Variants in ABCC9 observed in about 807,000 individuals in gnomAD.
ABCC9 encodes ATP binding cassette subfamily C member 9, also known as ATP-binding cassette sub-family C member 9.
ABCC9 carries 95 observed loss-of-function variants against 188.3 expected under a neutral mutation model. That is an observed-to-expected ratio of 0.50 (90% CI 0.43 to 0.60). The LOEUF (loss-of-function observed/expected upper bound fraction) is 0.60, where lower values mean the gene tolerates loss of function less well. Among genes scored for constraint, ABCC9 ranks in the 20% least tolerant of loss-of-function variants. The pLI is 0.00. For synonymous variants in ABCC9, 659 were observed against 652.7 expected, an observed-to-expected ratio of 1.01 and a Z score of -0.15; for missense variants, 1,102 against 1,876.3, an observed-to-expected ratio of 0.59 and a Z score of 7.62.
chr12:21,808,170 T>G (rs984440886), intron 37 of ABCC9, among the ~76,000 whole-genome samples: 3 of 152,098 alleles, frequency 2.0e-5, no homozygotes, highest in African/African-American at 7.2e-5. Flanking sequence ...CTGGGGAAAA[T>G]TTCTATTGAT....
intron 5 of ABCC9, chr12:21,924,609 A>G (rs922810389): frequency 6.6e-6 from 1 of 152,076 alleles, no homozygotes; most frequent in African/African-American, 2.4e-5. Context: ...AATAACAATA[A>G]TAGGCCTCTT....
intron 22 of ABCC9, among the ~76,000 whole-genome samples, chr12:21,857,315 G>C (rs1945276317): frequency 6.6e-6 from 1 of 152,140 alleles, no homozygotes; most frequent in Non-Finnish European, 1.5e-5. Context: ...GCTTGGCCTA[G>C]AGAAATGTAA....
intron 35 of ABCC9, among the ~76,000 whole-genome samples, chr12:21,814,077 A>G (rs1942443713): frequency 6.6e-6 from 1 of 152,170 alleles, no homozygotes; most frequent in Non-Finnish European, 1.5e-5. Context: ...GCTCTTGTGT[A>G]TCATATTATT....
intron 29 of ABCC9, among the ~76,000 whole-genome samples, chr12:21,839,560 T>C (rs1013143854): frequency 1.3e-5 from 2 of 152,242 alleles, no homozygotes. Flanking sequence ...TGACAACTTT[T>C]CTTTAAACCA....
chr12:21,807,632 A>AG (rs1941948445), intron 37 of ABCC9, among the ~76,000 whole-genome samples, 153 bp from the exon 38 acceptor site: 1 of 152,152 alleles, frequency 6.6e-6, no homozygotes, highest in South Asian at 2.1e-4. Context: ...ACAAAGAGGA[A>AG]CTCCACTTTG....
At chr12:21,899,497 C>T (rs1402110622) in intron 12 of ABCC9, among the ~76,000 whole-genome samples, 1 of 152,098 alleles carries the variant, frequency 6.6e-6, no homozygotes, top group Non-Finnish European at 1.5e-5. Context: ...GAGCATGAGC[C>T]AAAGCAGGGC....
rs373313920 is a variant in ABCC9, at chr12:21,865,173, G to A, written c.2199-696C>T. Among the ~76,000 whole-genome samples, 3 of 151,950 alleles carry A rather than the reference G, an allele frequency of 2.0e-5. No homozygotes were observed. In the East Asian group the frequency reaches 5.8e-4, roughly 29 times the overall value. On this transcript the variant is annotated intron_variant, in intron 18 of 39. Coordinates refer to ENST00000261200, the MANE Select transcript of ABCC9 (RefSeq NM_020297.4). ...ATTCAATAACATACACATTACAGAC[G>A]TGAATTCAATAACCATACAAATAAT...
At chr12:21,851,807 A>G (rs2137437985) in intron 24 of ABCC9, among the ~76,000 whole-genome samples, 1 of 152,300 alleles carries the variant, frequency 6.6e-6, no homozygotes, top group South Asian at 2.1e-4. Flanking sequence ...TCAGTTAAGT[A>G]GTTTCTGTAA....
At chr12:21,883,205 G>T (rs1275421816) in intron 15 of ABCC9, among the ~76,000 whole-genome samples, 1 of 152,198 alleles carries the variant, frequency 6.6e-6, no homozygotes. Context: ...ACAACTGCAT[G>T]GTGTTAAAAG....
At chr12:21,812,187 CAT>C in intron 35 of ABCC9, 30 bp from the exon 36 acceptor site, 1 of 1,366,778 alleles carries the variant, frequency 7.3e-7, no homozygotes, top group East Asian at 2.3e-5. Context: ...GTTACACACA[CAT>C]AGTAAAATCA....
intron 19 of ABCC9, among the ~76,000 whole-genome samples, chr12:21,864,153 T>C (rs1945665806): frequency 6.6e-6 from 1 of 152,158 alleles, no homozygotes; most frequent in Non-Finnish European, 1.5e-5. Flanking sequence ...ATTTTTATTT[T>C]ATGAAATCCC....
chr12:21,852,035 A>G, intron 24 of ABCC9, 62 bp downstream of exon 24: 37 of 1,591,544 alleles, frequency 2.3e-5, no homozygotes, highest in Non-Finnish European at 3.2e-5. Flanking sequence ...ATTCTTAGTA[A>G]TTAGTAAATT....
intron 39 of ABCC9, among the ~76,000 whole-genome samples, chr12:21,803,388 T>C (rs1252845812): frequency 6.6e-6 from 1 of 152,098 alleles, no homozygotes; most frequent in Admixed American, 6.5e-5. Flanking sequence ...CCAGGCGCAG[T>C]GGCTCACACC....
chr12:21,819,150 G>A (rs1942872667), intron 31 of ABCC9, among the ~76,000 whole-genome samples: 1 of 151,986 alleles, frequency 6.6e-6, no homozygotes, highest in Admixed American at 6.6e-5. Flanking sequence ...GCGTTCTTAG[G>A]TATTGTTCTG....
intron 21 of ABCC9, 133 bp downstream of exon 21, chr12:21,860,838 C>T: frequency 1.4e-6 from 1 of 719,998 alleles, no homozygotes; most frequent in Non-Finnish European, 2.4e-6. Context: ...CCTTGGTTTT[C>T]TGGAACTTCT....
intron 24 of ABCC9, among the ~76,000 whole-genome samples, chr12:21,851,264 G>A (rs7966849): frequency 0.45 from 68,185 of 151,818 alleles, 16,103 homozygotes; most frequent in South Asian, 0.61. Flanking sequence ...TTGTCTATCA[G>A]AGTTTTTCCT....
chr12:21,897,568 C>T (rs1475889161), intron 12 of ABCC9, among the ~76,000 whole-genome samples: 1 of 152,084 alleles, frequency 6.6e-6, no homozygotes, highest in African/African-American at 2.4e-5. Context: ...ATTAATAGCT[C>T]ATGTTACAGA....
At chr12:21,832,853 C>A (rs1193663205) in intron 30 of ABCC9, among the ~76,000 whole-genome samples, 1 of 152,078 alleles carries the variant, frequency 6.6e-6, no homozygotes, top group Non-Finnish European at 1.5e-5. Context: ...GTTGCAACTG[C>A]AAAAATATGG....
In ABCC9 at chr12:21,845,873, C is replaced by A. The variant is rs759094688; in HGVS notation, c.2867-41G>T. ...TTTTGTTTAAGCTTCAGATGGGCAC[C>A]GGCTAGATATAATTTTTATTGCTCC... On this transcript the variant is annotated intron_variant, in intron 25 of 39. Transcript: ENST00000261200. 5.7e-6 allele frequency: 8 copies of A among 1,400,654 alleles called. No homozygotes were observed. In the East Asian group the frequency reaches 1.6e-4, roughly 28 times the overall value. The allele number at this position is 1,400,654 out of a possible 1,614,324, so 86.8% of individuals were successfully genotyped here.
Sources: allele counts gnomAD v4.1 joint callset (sites outside exome capture counted in the v4.1 genomes callset), GRCh38; gene constraint gnomAD v4.1.1; transcripts MANE v1.5; gene names NCBI Gene and HGNC (gene_info 2026-07-23, HGNC 2026-07-21).